The following PSMD11 variants were observed in gnomAD, a reference collection of about 807,000 sequenced individuals.
PSMD11 encodes the protein 26S proteasome non-ATPase regulatory subunit 11.
A neutral mutation model predicts 62.3 loss-of-function variants in PSMD11; 5 were observed. The observed-to-expected ratio is 0.08, with a 90% confidence interval of 0.04 to 0.17. The LOEUF is 0.17. Ranked by LOEUF, PSMD11 falls within the 10% of genes least tolerant of loss-of-function variation. The probability of loss-of-function intolerance (pLI) is 1.00; values close to 1 mark genes in which losing one functional copy is unlikely to be tolerated. For synonymous variants in PSMD11, 191 were observed against 191.8 expected, an observed-to-expected ratio of 1.00 and a Z score of 0.03; for missense variants, 310 against 512.9, an observed-to-expected ratio of 0.60 and a Z score of 3.82.
intron 3 of PSMD11, among the ~76,000 whole-genome samples, chr17:32,463,687 A>G (rs1907910142): frequency 6.6e-6 from 1 of 152,210 alleles, no homozygotes; most frequent in African/African-American, 2.4e-5. Context: ...CATTACCATT[A>G]CTATTTCTAA....
intron 1 of PSMD11, chr17:32,445,471 C>A (rs1907305808): frequency 6.6e-6 from 1 of 152,216 alleles, no homozygotes; most frequent in Non-Finnish European, 1.5e-5. Context: ...CTTACACCTA[C>A]ACACAACAGG....
chr17:32,459,844 C>T (rs941810280), intron 3 of PSMD11, among the ~76,000 whole-genome samples: 1 of 152,052 alleles, frequency 6.6e-6, no homozygotes, highest in Non-Finnish European at 1.5e-5. Flanking sequence ...CCAGGGTGGT[C>T]TTGAACTTCT....
chr17:32,471,995 A>G (rs186215050), intron 6 of PSMD11, among the ~76,000 whole-genome samples: 2 of 151,894 alleles, frequency 1.3e-5, no homozygotes, highest in Admixed American at 6.6e-5. Flanking sequence ...CCTCAGTCTC[A>G]TGAGTAAGTA....
chr17:32,458,959 G>A (rs1396773613), intron 3 of PSMD11, among the ~76,000 whole-genome samples: 1 of 151,378 alleles, frequency 6.6e-6, no homozygotes, highest in East Asian at 1.9e-4. Context: ...GCCAGGTGTG[G>A]TGGTGCATGC....
chr17:32,472,847 T>C (rs1207020047), intron 6 of PSMD11, among the ~76,000 whole-genome samples: 29 of 150,630 alleles, frequency 1.9e-4, no homozygotes, highest in African/African-American at 4.4e-4. Flanking sequence ...TTTTTCTTTT[T>C]TTTTTTTTTT....
intron 8 of PSMD11, chr17:32,477,025 T>A (rs530370352): frequency 1.8e-4 from 28 of 152,782 alleles, no homozygotes; most frequent in Non-Finnish European, 3.4e-4. Flanking sequence ...AGTGGTGGGA[T>A]TACAGGTGTG....
chr17:32,470,548 A>G (rs1039347387), intron 6 of PSMD11, among the ~76,000 whole-genome samples: 2 of 152,056 alleles, frequency 1.3e-5, no homozygotes, highest in Non-Finnish European at 2.9e-5. Flanking sequence ...CTGCCTCCCA[A>G]AGTGCTAGGA....
Position 32,477,576 on chromosome 17 carries a change from T to C in PSMD11, c.905T>C (p.Phe302Ser). The change falls in exon 9 of 14, where the codon TTT (phenylalanine) becomes TCT (serine). Residue 302 changes from phenylalanine to serine, a missense_variant. Physicochemically the swap from Phe to Ser is radical, Grantham distance 155 (BLOSUM62 -2). Coordinates refer to ENST00000261712, the MANE Select transcript of PSMD11 (RefSeq NM_002815.4). The part of the protein sequence containing the change: ...QASKNRSLAD[F>S]EKALTDYRAE... ...AGCAAGAACAGATCACTGGCAGATT[T>C]TGAAAAGGTGAGTATGATATTGGGT... is the stretch of plus-strand genomic sequence containing the variant. 2 of 1,610,422 alleles carry C rather than the reference T, an allele frequency of 1.2e-6. No homozygotes were observed. Among genetic ancestry groups the C allele is most frequent in the Non-Finnish European group, 1.7e-6 (2 of 1,177,148 alleles).
At chr17:32,448,744 T>C (rs1907404142) in intron 2 of PSMD11, among the ~76,000 whole-genome samples, 1 of 152,212 alleles carries the variant, frequency 6.6e-6, no homozygotes, top group African/African-American at 2.4e-5. Flanking sequence ...AAGTAGGTTT[T>C]GTTACCATTT....
chr17:32,463,959 A>G (rs1907917687), intron 3 of PSMD11, 90 bp from the exon 4 acceptor site: 1 of 1,152,760 alleles, frequency 8.7e-7, no homozygotes, highest in Admixed American at 1.7e-5. Context: ...GATAATATGT[A>G]AGGAGGGAAT....
At position 32,469,598 on chromosome 17, in the gene PSMD11, C is replaced by A. The variant is rs184931397; in HGVS notation, c.643+405C>A. On this transcript the variant is annotated intron_variant, in intron 6 of 13. Coordinates refer to ENST00000261712, the MANE Select transcript of PSMD11 (RefSeq NM_002815.4). ...TCAAATCAGGGCTGAGGAATGATAACCCAATTTCAGCTGAGTGTGGTATGT... is the reference window on the plus strand; with the variant it reads ...TCAAATCAGGGCTGAGGAATGATAAACCAATTTCAGCTGAGTGTGGTATGT... 4.5e-4 allele frequency among the ~76,000 whole-genome samples: 68 copies of A among 152,296 alleles called. 1 individual carries two copies. In the East Asian group the frequency reaches 0.012, roughly 27 times the overall value.
At chr17:32,453,072 T>C (rs549638257) in intron 2 of PSMD11, among the ~76,000 whole-genome samples, 1 of 152,362 alleles carries the variant, frequency 6.6e-6, no homozygotes, top group South Asian at 2.1e-4. Context: ...AACATTGGAA[T>C]AGGCTGCTTT....
intron 7 of PSMD11, 70 bp downstream of exon 7, chr17:32,474,015 T>C (rs1281693126): frequency 3.2e-6 from 5 of 1,571,912 alleles, no homozygotes; most frequent in Non-Finnish European, 4.3e-6. Flanking sequence ...ATGGCAGAGA[T>C]GGCCTGAGCA....
intron 6 of PSMD11, among the ~76,000 whole-genome samples, chr17:32,472,662 C>G (rs1908201609): frequency 6.6e-6 from 1 of 151,622 alleles, no homozygotes. Context: ...CTCAGCCTCC[C>G]AAGTAGCTGG....
At chr17:32,473,522 C>G (rs1366372744) in intron 6 of PSMD11, among the ~76,000 whole-genome samples, 1 of 151,952 alleles carries the variant, frequency 6.6e-6, no homozygotes, top group Non-Finnish European at 1.5e-5. Flanking sequence ...TCAGGTGATC[C>G]GCCTGCCTCA....
Position 32,480,978 on chromosome 17 carries a change from GA to G in PSMD11, c.*237del, listed in dbSNP as rs892468317. 3.6e-3 allele frequency: 577 copies of G among 158,414 alleles called. No homozygotes were observed. Among genetic ancestry groups the G allele is most frequent in the Middle Eastern group, 0.011 (4 of 358 alleles). 9.8% of individuals were successfully genotyped at this position (158,414 alleles called of 1,614,324 possible). ...GAAATTGCTTAAAAAAAAAGAAAAAGAAAAAAAAAAAGATTATTCTAAATAA... is the reference window on the plus strand; with the variant it reads ...GAAATTGCTTAAAAAAAAAGAAAAAGAAAAAAAAAAGATTATTCTAAATAA... On this transcript the variant is annotated 3_prime_UTR_variant, in exon 14 of 14. Coordinates refer to ENST00000261712, the MANE Select transcript of PSMD11 (RefSeq NM_002815.4).
At chr17:32,452,638 G>A (rs1489750277) in intron 2 of PSMD11, among the ~76,000 whole-genome samples, 2 of 152,188 alleles carry the variant, frequency 1.3e-5, no homozygotes, top group African/African-American at 4.8e-5. Flanking sequence ...GGAAGTTGGG[G>A]GAATTACCTG....
rs1256502541 is a variant in PSMD11 at position 32,459,129 on chromosome 17, TATATATATATGTA to T, written c.318+4511_318+4523del. Among the ~76,000 whole-genome samples the T allele has an allele frequency of 1.5e-4, 22 of 143,844 alleles. 1 individual carries two copies. Among genetic ancestry groups the T allele is most frequent in the African/African-American group, 5.6e-4 (22 of 39,456 alleles). 94.4% of individuals were successfully genotyped at this position (143,844 alleles called of 152,430 possible). A position where few individuals can be genotyped will look rare whatever the true frequency, so the allele number is the denominator to read the frequency against. ...AAAAAAAAATACATATATATATATA[TATATATATATGTA>T]TTTTTTTTTTTGCTTATATACTCTT... On this transcript the variant is annotated intron_variant, in intron 3 of 13. Transcript: ENST00000261712.
chr17:32,465,700 G>A (rs1043869414), intron 5 of PSMD11, among the ~76,000 whole-genome samples: 1 of 152,084 alleles, frequency 6.6e-6, no homozygotes, highest in African/African-American at 2.4e-5. Context: ...TCAGCTGGGC[G>A]TGGTGGCTCA....
Sources: allele counts gnomAD v4.1 joint callset (sites outside exome capture counted in the v4.1 genomes callset), GRCh38; gene constraint gnomAD v4.1.1; transcripts MANE v1.5; gene names NCBI Gene and HGNC (gene_info 2026-07-23, HGNC 2026-07-21).